DNAH6: variants seen among roughly 807,000 people sequenced by gnomAD.
The protein encoded by DNAH6 is dynein axonemal heavy chain 6, also known as axonemal beta dynein heavy chain 6.
A neutral mutation model predicts 491.4 loss-of-function variants in DNAH6; 340 were observed. That is an observed-to-expected ratio of 0.69 (90% CI 0.63 to 0.76). The LOEUF is 0.76. Ranked by LOEUF, DNAH6 falls within the 30% of genes least tolerant of loss-of-function variation. DNAH6 has a pLI of 0.00. For synonymous variants in DNAH6, 1,603 were observed against 1,686.1 expected (o/e 0.95, Z 1.21); for missense variants, 4,443 against 4,972.2 (o/e 0.89, Z 3.20).
At chr2:84,665,627 A>C (rs896000026) in intron 37 of DNAH6, among the ~76,000 whole-genome samples, 11 of 152,196 alleles carry the variant, frequency 7.2e-5, no homozygotes, top group African/African-American at 2.7e-4. Flanking sequence ...CAACGAAAAA[A>C]AGTCCAGGAC....
At chr2:84,708,174 A>T (rs1696655716) in intron 54 of DNAH6, among the ~76,000 whole-genome samples, 1 of 152,118 alleles carries the variant, frequency 6.6e-6, no homozygotes, top group South Asian at 2.1e-4. Context: ...GCGGTGGCTC[A>T]TGCCTATAAT....
the DNAH6 span, among the ~76,000 whole-genome samples, chr2:84,479,915 G>C: frequency 4.6e-5 from 7 of 152,200 alleles, no homozygotes; most frequent in African/African-American, 1.4e-4. Flanking sequence ...GTGGCTTAAG[G>C]CTGTAATAGT....
At chr2:84,807,988 C>G (rs1679587389) in intron 71 of DNAH6, among the ~76,000 whole-genome samples, 1 of 152,184 alleles carries the variant, frequency 6.6e-6, no homozygotes, top group South Asian at 2.1e-4. Flanking sequence ...ACTTAAGCAA[C>G]AAGGACCTAC....
chr2:84,760,828 C>T (rs1008504953), intron 63 of DNAH6, among the ~76,000 whole-genome samples: 3 of 152,132 alleles, frequency 2.0e-5, no homozygotes, highest in Non-Finnish European at 2.9e-5. Context: ...TCACTGCAAT[C>T]GCAAATTTCT....
intron 73 of DNAH6, 141 bp downstream of exon 73, chr2:84,812,667 T>C (rs1291245844): frequency 1.2e-5 from 9 of 763,842 alleles, no homozygotes; most frequent in Non-Finnish European, 1.9e-5. Flanking sequence ...CAGAATGGCA[T>C]CACTTTAAAA....
At chr2:84,533,502 A>G (rs1677378129) in intron 4 of DNAH6, among the ~76,000 whole-genome samples, 1 of 152,114 alleles carries the variant, frequency 6.6e-6, no homozygotes, top group South Asian at 2.1e-4. Flanking sequence ...AGAATACAAT[A>G]TTGGAATTTT....
intron 70 of DNAH6, among the ~76,000 whole-genome samples, chr2:84,801,002 A>C (rs886262062): frequency 6.7e-6 from 1 of 150,170 alleles, no homozygotes; most frequent in Non-Finnish European, 1.5e-5. Flanking sequence ...AAGAACAAAA[A>C]ACCAAACACC....
rs1186580095 is a variant in DNAH6, at chr2:84,686,504, A to G, written c.7084A>G (p.Ile2362Val). The part of the protein sequence containing the change: ...EMANKHFGIA[I>V]DLEYFLNKPI... ...AATAGACAAACATTTTGGAATTGCA[A>G]TTGACCTGGAATATTTTTTGAATAA... The change falls in exon 44 of 77, where the codon ATT (isoleucine) becomes GTT (valine). Residue 2362 changes from isoleucine to valine, a missense_variant. Transcript: ENST00000389394. 2 of 1,536,558 alleles carry G rather than the reference A, an allele frequency of 1.3e-6. No homozygotes were observed. The highest frequency in any genetic ancestry group is 2.0e-5 in the Admixed American group (1 of 50,130).
chr2:84,735,538 AC>A (rs1022827717), intron 62 of DNAH6, among the ~76,000 whole-genome samples: 24 of 152,196 alleles, frequency 1.6e-4, no homozygotes, highest in Admixed American at 2.0e-4. Flanking sequence ...TCTTTTCTCC[AC>A]AACCTTGCCA....
intron 18 of DNAH6, among the ~76,000 whole-genome samples, chr2:84,596,827 T>C (rs1412741873): frequency 2.0e-5 from 3 of 152,224 alleles, no homozygotes; most frequent in South Asian, 2.1e-4. Context: ...GGTCAGCTTC[T>C]TTCTTTATTG....
chr2:84,759,281 G>A (rs1674344297), intron 63 of DNAH6, among the ~76,000 whole-genome samples: 1 of 151,864 alleles, frequency 6.6e-6, no homozygotes. Flanking sequence ...GCCAAGATGG[G>A]TGGATTGCCT....
chr2:84,732,308 C>T (rs763489223), intron 61 of DNAH6, among the ~76,000 whole-genome samples: 3 of 152,156 alleles, frequency 2.0e-5, no homozygotes, highest in Non-Finnish European at 4.4e-5. Flanking sequence ...ACTGGTTAAA[C>T]GTATGTCTGC....
chr2:84,463,245 A>G, the DNAH6 span, among the ~76,000 whole-genome samples: 2 of 152,180 alleles, frequency 1.3e-5, no homozygotes, highest in Non-Finnish European at 2.9e-5. Flanking sequence ...GAGGAGTAAA[A>G]GAAGAGGGGG....
At chr2:84,540,795 A>G (rs1369117134) in intron 4 of DNAH6, among the ~76,000 whole-genome samples, 1 of 152,168 alleles carries the variant, frequency 6.6e-6, no homozygotes. Flanking sequence ...TAATTTGACA[A>G]GGGACCCCTT....
intron 1 of DNAH6, 53 bp from the exon 2 acceptor site, chr2:84,517,766 C>T: frequency 2.9e-6 from 4 of 1,398,488 alleles, no homozygotes; most frequent in Non-Finnish European, 3.9e-6. Flanking sequence ...GCCTCCTTCC[C>T]CAATCCTTTT....
intron 72 of DNAH6, among the ~76,000 whole-genome samples, 163 bp from the exon 73 acceptor site, chr2:84,812,178 C>T (rs751593796): frequency 2.0e-5 from 3 of 152,196 alleles, no homozygotes; most frequent in African/African-American, 7.2e-5. Context: ...TGTAGTAATG[C>T]GTGAAATATT....
At chr2:84,657,051 A>T (rs1329202243) in intron 35 of DNAH6, among the ~76,000 whole-genome samples, 4 of 152,012 alleles carry the variant, frequency 2.6e-5, no homozygotes, top group Non-Finnish European at 5.9e-5. Context: ...TTGCATGTGT[A>T]TATCCAGTTG....
intron 71 of DNAH6, among the ~76,000 whole-genome samples, chr2:84,806,723 T>A (rs182056157): frequency 6.6e-6 from 1 of 151,736 alleles, no homozygotes; most frequent in Non-Finnish European, 1.5e-5. Context: ...TCATTATTCA[T>A]GGTTGGAAGA....
At chr2:84,621,699 A>G (rs1687414644) in intron 26 of DNAH6, 148 bp downstream of exon 26, 2 of 519,090 alleles carry the variant, frequency 3.9e-6, no homozygotes, top group Non-Finnish European at 6.9e-6. Flanking sequence ...TTACAATTCT[A>G]AAATTATTTG....
Sources: allele counts gnomAD v4.1 joint callset (sites outside exome capture counted in the v4.1 genomes callset), GRCh38; gene constraint gnomAD v4.1.1; transcripts MANE v1.5; gene names NCBI Gene and HGNC (gene_info 2026-07-23, HGNC 2026-07-21).